PLEKHA3: variants seen among roughly 807,000 people sequenced by gnomAD.
PLEKHA3 encodes pleckstrin homology domain-containing family A member 3.
A neutral mutation model predicts 39.2 loss-of-function variants in PLEKHA3; 19 were observed. The observed-to-expected ratio is 0.48, with a 90% CI of 0.34 to 0.71. PLEKHA3 has a LOEUF of 0.71. Among genes scored for constraint, PLEKHA3 ranks in the 30% least tolerant of loss-of-function variants. The pLI, the probability that PLEKHA3 is intolerant of heterozygous loss-of-function variation, is 0.01. For synonymous variants in PLEKHA3, 97 were observed against 118.6 expected, an observed-to-expected ratio of 0.82 and a Z score of 1.18; for missense variants, 253 against 359.5, an observed-to-expected ratio of 0.70 and a Z score of 2.40.
At position 178,495,577 on chromosome 2, in the gene PLEKHA3, A is replaced by C; in HGVS notation, c.532A>C (p.Asn178His). 1 of 1,614,232 alleles carries C rather than the reference A, an allele frequency of 6.2e-7. No individual in the cohort carries two copies. The change falls in exon 5 of 8, where the codon AAT becomes CAT. Residue 178 changes from asparagine (N) to histidine (H), a missense_variant. Physicochemically the swap from Asn to His is moderately conservative, Grantham distance 68. Transcript: ENST00000234453. ...GCTTGAGGAATGTGTGAAGATAGCCAATGCCAAGTTTAAACCTGAGATGTT... is the reference window on the plus strand; with the variant it reads ...GCTTGAGGAATGTGTGAAGATAGCCCATGCCAAGTTTAAACCTGAGATGTT... ...TTLEECVKIA[N>H]AKFKPEMFQL...
rs1685604557 is a variant in PLEKHA3, at chr2:178,506,696, A to C, written c.*2809A>C. The C allele has an allele frequency of 6.6e-6, 1 of 152,216 alleles. No homozygotes were observed. The highest frequency in any genetic ancestry group is 1.5e-5 in the Non-Finnish European group (1 of 68,046). The allele number at this position is 152,216 out of a possible 1,614,324, so 9.4% of individuals were successfully genotyped here. On this transcript the variant is annotated 3_prime_UTR_variant, in exon 8 of 8. Coordinates refer to ENST00000234453, the MANE Select transcript of PLEKHA3 (RefSeq NM_019091.4). ...TAATACCACTAATTTGGACTCTGCT[A>C]GTTCTTTTATTTAATAAGGCACCTC...
intron 3 of PLEKHA3, among the ~76,000 whole-genome samples, chr2:178,493,417 T>C (rs956442628): frequency 5.9e-5 from 9 of 152,126 alleles, no homozygotes; most frequent in African/African-American, 2.4e-5. Flanking sequence ...GTATATAAGA[T>C]AGAGGAAAGA....
chr2:178,489,093 T>C (rs761502398), intron 2 of PLEKHA3: 5 of 372,036 alleles, frequency 1.3e-5, no homozygotes, highest in Non-Finnish European at 2.1e-5. Flanking sequence ...TGCTTTCTTT[T>C]AAAGTAGGTA....
rs1685752764 is a variant in PLEKHA3 at position 178,515,738 on chromosome 2, G to A, written c.*11851G>A. On this transcript the variant is annotated 3_prime_UTR_variant, in exon 8 of 8. Transcript: ENST00000234453. ...TTTTTTTGCTTTCTAATTCTTGAGTGAATTTAAAACTCACTGCTTTATTAT... is the reference window on the plus strand; with the variant it reads ...TTTTTTTGCTTTCTAATTCTTGAGTAAATTTAAAACTCACTGCTTTATTAT... The A allele has an allele frequency of 6.6e-6, 1 of 151,866 alleles. No individual in the cohort carries two copies. The highest frequency in any genetic ancestry group is 1.5e-5 in the Non-Finnish European group (1 of 67,920). The allele number at this position is 151,866 out of a possible 1,614,324, so 9.4% of individuals were successfully genotyped here.
chr2:178,495,372 A>G (rs368512700), intron 4 of PLEKHA3, 124 bp from the exon 5 acceptor site: 1 of 917,800 alleles, frequency 1.1e-6, no homozygotes, highest in South Asian at 1.8e-5. Context: ...ACTGTATTTT[A>G]AATAAATTTG....
rs1435383684 is a variant in PLEKHA3, at chr2:178,513,919, C to G, written c.*10032C>G. 3 of 152,052 alleles carry G rather than the reference C, an allele frequency of 2.0e-5. No homozygotes were observed. The highest frequency in any genetic ancestry group is 6.6e-5 in the Admixed American group (1 of 15,256). The allele number at this position is 152,052 out of a possible 1,614,324, so 9.4% of individuals were successfully genotyped here. ...ATATCTTTTCAGTATTAGAACATTTCTGTTTATGCCCTATTCCAGTGGTAT... is the reference window on the plus strand; with the variant it reads ...ATATCTTTTCAGTATTAGAACATTTGTGTTTATGCCCTATTCCAGTGGTAT... On this transcript the variant is annotated 3_prime_UTR_variant, in exon 8 of 8. Coordinates refer to ENST00000234453, the MANE Select transcript of PLEKHA3 (RefSeq NM_019091.4).
intron 6 of PLEKHA3, 124 bp downstream of exon 6, chr2:178,499,378 G>C: frequency 1.2e-6 from 1 of 816,252 alleles, no homozygotes; most frequent in South Asian, 2.2e-5. Flanking sequence ...TTCAAAACCA[G>C]CATTTTATCT....
At chr2:178,490,866 T>C (rs1390526193) in intron 3 of PLEKHA3, 52 bp downstream of exon 3, 2 of 1,389,568 alleles carry the variant, frequency 1.4e-6, no homozygotes, top group African/African-American at 2.9e-5. Flanking sequence ...AATATAAATA[T>C]AAATGTAACT....
intron 7 of PLEKHA3, among the ~76,000 whole-genome samples, chr2:178,501,870 G>A (rs180831356): frequency 1.3e-5 from 2 of 152,100 alleles, no homozygotes; most frequent in East Asian, 3.9e-4. Flanking sequence ...TTCTCAGGAA[G>A]CATGTGGGAT....
At chr2:178,488,165 A>T (rs1284359264) in intron 2 of PLEKHA3, among the ~76,000 whole-genome samples, 1 of 151,852 alleles carries the variant, frequency 6.6e-6, no homozygotes, top group Non-Finnish European at 1.5e-5. Context: ...GTCCTCTTTC[A>T]AGTCTTTGGC....
At chr2:178,481,853 G>C (rs779966732) in intron 1 of PLEKHA3, 1 of 137,204 alleles carries the variant, frequency 7.3e-6, no homozygotes, top group Non-Finnish European at 1.6e-5. Flanking sequence ...GGGGGGGGGG[G>C]GTCTAGCATA....
At position 178,506,954 on chromosome 2, in the gene PLEKHA3, T is replaced by C. The variant is rs967980697; in HGVS notation, c.*3067T>C. 6.7e-6 allele frequency: 1 copy of C among 148,668 alleles called. No homozygotes were observed. The highest frequency in any genetic ancestry group is 2.5e-5 in the African/African-American group (1 of 40,068). The allele number at this position is 148,668 out of a possible 1,614,324, so 9.2% of individuals were successfully genotyped here. On this transcript the variant is annotated 3_prime_UTR_variant, in exon 8 of 8. Coordinates refer to ENST00000234453, the MANE Select transcript of PLEKHA3 (RefSeq NM_019091.4). The stretch of plus-strand genomic sequence containing the variant: ...GAATTCTTAACTTGAAATTCTGTTG[T>C]TTTTTTTTTAATTTTAGCTTTCTTT...
rs1685764811 is a variant in PLEKHA3 at position 178,516,384 on chromosome 2, T to C, written c.*12497T>C. The stretch of plus-strand genomic sequence containing the variant: ...TCCAAATTCCAAAAGGTGTATACTC[T>C]ATATTTTTGTCATAAAAATTCTGCT... On this transcript the variant is annotated 3_prime_UTR_variant, in exon 8 of 8. Coordinates refer to ENST00000234453, the MANE Select transcript of PLEKHA3 (RefSeq NM_019091.4). 1 of 152,214 alleles carries C rather than the reference T, an allele frequency of 6.6e-6. No individual in the cohort carries two copies. Among genetic ancestry groups the C allele is most frequent in the Non-Finnish European group, 1.5e-5 (1 of 68,034 alleles). The allele number at this position is 152,214 out of a possible 1,614,324, so 9.4% of individuals were successfully genotyped here. A position where few individuals can be genotyped will look rare whatever the true frequency, so the allele number is the denominator to read the frequency against.
chr2:178,492,974 C>T (rs1369135544), intron 3 of PLEKHA3, among the ~76,000 whole-genome samples: 5 of 152,112 alleles, frequency 3.3e-5, no homozygotes, highest in African/African-American at 7.2e-5. Flanking sequence ...TAAATATGAG[C>T]AGGAATTGAT....
Position 178,494,571 on chromosome 2 carries a change from A to G in PLEKHA3, c.450+582A>G, listed in dbSNP as rs6723632. The stretch of plus-strand genomic sequence containing the variant: ...TAGAAGTGGGGCAAGAAATCTTCCT[A>G]TTTCTTCTGTGGCCTTCTCCTGTTG... On this transcript the variant is annotated intron_variant, in intron 4 of 7. Coordinates refer to ENST00000234453, the MANE Select transcript of PLEKHA3 (RefSeq NM_019091.4). Among the ~76,000 whole-genome samples, 1,135 of 152,098 alleles carry G rather than the reference A, an allele frequency of 7.5e-3. 16 individuals carry two copies. Among genetic ancestry groups the G allele is most frequent in the African/African-American group, 0.026 (1,076 of 41,504 alleles).
intron 3 of PLEKHA3, among the ~76,000 whole-genome samples, chr2:178,491,165 C>G (rs56043418): frequency 0.05 from 7,545 of 152,050 alleles, 593 homozygotes; most frequent in African/African-American, 0.17. Flanking sequence ...TGCCTGCTAC[C>G]ATGCCTGGCT....
rs1207225564 is a variant in PLEKHA3, at chr2:178,503,858, G to A, written c.874G>A (p.Glu292Lys). The change falls in exon 8 of 8, where the codon GAA becomes AAA. Residue 292 changes from glutamate (E) to lysine (K), a missense_variant. Physicochemically the swap from Glu to Lys is moderately conservative, Grantham distance 56. This residue lies in a region of PLEKHA3 where 127 missense variants were observed against 136.8 expected (regional missense o/e 0.93). Coordinates refer to ENST00000234453, the MANE Select transcript of PLEKHA3 (RefSeq NM_019091.4). The stretch of plus-strand genomic sequence containing the variant: ...TATGGCCAAAAAACAATCTGAATCA[G>A]AAGATACTCTTCCATCCTTCTCTTC... ...RLMAKKQSES[E>K]DTLPSFSS The A allele has an allele frequency of 2.5e-6, 4 of 1,611,688 alleles. 1 individual carries two copies. In the Middle Eastern group the frequency reaches 5.0e-4, roughly 200 times the overall value.
At chr2:178,488,362 G>A (rs1010277745) in intron 2 of PLEKHA3, among the ~76,000 whole-genome samples, 17 of 152,072 alleles carry the variant, frequency 1.1e-4, no homozygotes, top group African/African-American at 4.1e-4. Flanking sequence ...TTCTTTTATT[G>A]GATCCTTTTA....
At chr2:178,494,038 T>TG in intron 4 of PLEKHA3, 49 bp downstream of exon 4, 3 of 1,563,308 alleles carry the variant, frequency 1.9e-6, no homozygotes, top group Non-Finnish European at 2.6e-6. Flanking sequence ...TGGAGTACTC[T>TG]GGGGGGATCC....
Sources: allele counts gnomAD v4.1 joint callset (sites outside exome capture counted in the v4.1 genomes callset), GRCh38; gene constraint gnomAD v4.1.1; regional missense constraint gnomAD v4.1.1; transcripts MANE v1.5; gene names NCBI Gene and HGNC (gene_info 2026-07-23, HGNC 2026-07-21).